NDUFAF2: variants seen among roughly 807,000 people sequenced by gnomAD.
NDUFAF2 encodes the protein NADH dehydrogenase [ubiquinone] 1 alpha subcomplex assembly factor 2.
NDUFAF2 carries 13 observed loss-of-function variants against 22.8 expected under a neutral mutation model. That is an observed-to-expected ratio of 0.57 (90% CI 0.37 to 0.91). The LOEUF is 0.91. Among genes scored for constraint, NDUFAF2 ranks in the 40% least tolerant of loss-of-function variants. The probability of loss-of-function intolerance (pLI) is 0.01; values close to 1 mark genes in which losing one functional copy is unlikely to be tolerated. For synonymous variants in NDUFAF2, 53 were observed against 64.2 expected, an observed-to-expected ratio of 0.83 and a Z score of 0.84; for missense variants, 162 against 195.2, an observed-to-expected ratio of 0.83 and a Z score of 1.01.
At chr5:61,079,320 T>C (rs554649260) in intron 2 of NDUFAF2, among the ~76,000 whole-genome samples, 1 of 152,306 alleles carries the variant, frequency 6.6e-6, no homozygotes, top group African/African-American at 2.4e-5. Flanking sequence ...CATAAAATAA[T>C]AGACCAGGAT....
chr5:61,070,549 TGTCCTGAAA>T (rs992006108), intron 1 of NDUFAF2, among the ~76,000 whole-genome samples: 8 of 152,002 alleles, frequency 5.3e-5, no homozygotes, highest in Admixed American at 6.6e-5. Flanking sequence ...ATTCAGTGAT[TGTCCTGAAA>T]TTAAACTAGC....
intron 1 of NDUFAF2, among the ~76,000 whole-genome samples, chr5:60,949,432 A>C (rs76780181): frequency 2.0e-5 from 3 of 152,146 alleles, no homozygotes; most frequent in Non-Finnish European, 4.4e-5. Context: ...CAGTTTGTTC[A>C]TTTACTCATT....
At chr5:61,063,890 A>G (rs903518357) in intron 1 of NDUFAF2, among the ~76,000 whole-genome samples, 1 of 152,170 alleles carries the variant, frequency 6.6e-6, no homozygotes, top group Non-Finnish European at 1.5e-5. Context: ...CTTATTTATC[A>G]GTAATAAACT....
At chr5:61,111,765 G>C (rs1483716721) in intron 3 of NDUFAF2, among the ~76,000 whole-genome samples, 2 of 151,532 alleles carry the variant, frequency 1.3e-5, no homozygotes, top group Admixed American at 1.3e-4. Context: ...ACTACAGGCA[G>C]GTGCCACCAC....
chr5:61,060,850 T>G (rs929661285), intron 1 of NDUFAF2, among the ~76,000 whole-genome samples: 4 of 152,124 alleles, frequency 2.6e-5, no homozygotes, highest in Non-Finnish European at 5.9e-5. Flanking sequence ...TTGGTACTAG[T>G]GGAAGAAAAT....
Position 61,072,007 on chromosome 5 carries a change from G to A in NDUFAF2, c.128-1118G>A, listed in dbSNP as rs188736002. On this transcript the variant is annotated intron_variant, in intron 1 of 3. Coordinates refer to ENST00000296597, the MANE Select transcript of NDUFAF2 (RefSeq NM_174889.5). ...TTTTATTGAGAAATATAAGCATTAG[G>A]CATTCTCATTCCATTCTTGACTTCT... Among the ~76,000 whole-genome samples the A allele has an allele frequency of 2.0e-5, 3 of 152,202 alleles. No individual in the cohort carries two copies. The East Asian group carries it at 5.8e-4, about 29-fold the overall frequency.
chr5:61,086,238 G>C (rs934992321), intron 2 of NDUFAF2, among the ~76,000 whole-genome samples: 6 of 152,132 alleles, frequency 3.9e-5, no homozygotes, highest in African/African-American at 7.2e-5. Flanking sequence ...TTAAAAGACA[G>C]TATTTCCCTT....
Position 61,139,077 on chromosome 5 carries a change from T to C in NDUFAF2, c.259-13627T>C, listed in dbSNP as rs1741010503. 2.0e-5 allele frequency among the ~76,000 whole-genome samples: 3 copies of C among 152,320 alleles called. No homozygotes were observed. The South Asian group carries it at 6.2e-4, about 32-fold the overall frequency. On this transcript the variant is annotated intron_variant, in intron 3 of 3. Transcript: ENST00000296597. ...AATACAGATACTCCTTAACTTACCATGAGGTTATATCCCGATAAACCCATT... is the reference window on the plus strand; with the variant it reads ...AATACAGATACTCCTTAACTTACCACGAGGTTATATCCCGATAAACCCATT...
intron 1 of NDUFAF2, among the ~76,000 whole-genome samples, chr5:60,990,751 G>A (rs565715480): frequency 1.8e-4 from 27 of 152,178 alleles, no homozygotes; most frequent in Admixed American, 6.5e-4. Context: ...CAGAAATCAC[G>A]TAACCACCTT....
Position 61,065,895 on chromosome 5 carries a change from T to C in NDUFAF2, c.128-7230T>C, listed in dbSNP as rs2898310. Among the ~76,000 whole-genome samples the C allele has an allele frequency of 1.2e-4, 18 of 151,940 alleles. No homozygotes were observed. The South Asian group carries it at 3.5e-3, about 30-fold the overall frequency. On this transcript the variant is annotated intron_variant, in intron 1 of 3. Coordinates refer to ENST00000296597, the MANE Select transcript of NDUFAF2 (RefSeq NM_174889.5). ...AAAGGCATCCAAATCAGAAAAGAAG[T>C]AGAATTATCTCTATCTGTAGAAAAC...
At chr5:61,025,030 T>A (rs898591564) in intron 1 of NDUFAF2, among the ~76,000 whole-genome samples, 7 of 152,100 alleles carry the variant, frequency 4.6e-5, no homozygotes, top group African/African-American at 1.4e-4. Flanking sequence ...TTTGAAAGCT[T>A]CTATAACTGC....
intron 1 of NDUFAF2, among the ~76,000 whole-genome samples, chr5:61,042,967 C>T (rs1751901726): frequency 6.6e-6 from 1 of 152,146 alleles, no homozygotes; most frequent in Admixed American, 6.5e-5. Flanking sequence ...TGCCTGTAAT[C>T]CCAGCGCTTT....
At chr5:61,002,125 T>G (rs1751304719) in intron 1 of NDUFAF2, among the ~76,000 whole-genome samples, 1 of 152,042 alleles carries the variant, frequency 6.6e-6, no homozygotes, top group African/African-American at 2.4e-5. Context: ...AGGTGGAACT[T>G]CAGAGAATCA....
chr5:61,054,377 C>A (rs1187621512), intron 1 of NDUFAF2, among the ~76,000 whole-genome samples: 1 of 152,036 alleles, frequency 6.6e-6, no homozygotes, highest in Non-Finnish European at 1.5e-5. Context: ...GCAGTTCAGG[C>A]CTGGGAGAGG....
chr5:61,114,831 T>G (rs1752890548), intron 3 of NDUFAF2: 1 of 152,174 alleles, frequency 6.6e-6, no homozygotes, highest in African/African-American at 2.4e-5. Flanking sequence ...TGGATAAGAT[T>G]TGGAAGAATT....
chr5:61,141,203 G>C (rs1392431578), intron 3 of NDUFAF2, among the ~76,000 whole-genome samples: 3 of 148,968 alleles, frequency 2.0e-5, no homozygotes, highest in Admixed American at 6.8e-5. Context: ...CTCCAGCCTG[G>C]GCAAAAACAG....
At chr5:61,101,816 ATACAT>A (rs1752708419) in intron 3 of NDUFAF2, among the ~76,000 whole-genome samples, 1 of 152,176 alleles carries the variant, frequency 6.6e-6, no homozygotes, top group Non-Finnish European at 1.5e-5. Context: ...TGTTGGTAAG[ATACAT>A]TAAATAAGAC....
intron 1 of NDUFAF2, among the ~76,000 whole-genome samples, chr5:60,991,672 T>G (rs950780407): frequency 1.3e-5 from 2 of 152,246 alleles, no homozygotes; most frequent in African/African-American, 4.8e-5. Context: ...ATTGTGTATA[T>G]GTACCACCTT....
intron 1 of NDUFAF2, among the ~76,000 whole-genome samples, chr5:61,068,279 C>T (rs1185908396): frequency 6.6e-6 from 1 of 152,070 alleles, no homozygotes; most frequent in African/African-American, 2.4e-5. Context: ...CTTAACAAGG[C>T]AATCTTTTTT....
Sources: gnomAD v4.1 joint callset for allele counts (sites outside exome capture counted in the v4.1 genomes callset) on GRCh38, gnomAD v4.1.1 for gene constraint, MANE v1.5 for transcripts, NCBI Gene and HGNC (gene_info 2026-07-23, HGNC 2026-07-21) for gene names.